The following FLT3 variants were observed in gnomAD, a reference collection of about 807,000 sequenced individuals.
FLT3 encodes fms related receptor tyrosine kinase 3, also known as receptor-type tyrosine-protein kinase FLT3.
In FLT3, 46 loss-of-function variants were observed where a neutral mutation model predicts 126.6. The observed-to-expected ratio is 0.36, with a 90% confidence interval of 0.29 to 0.46. FLT3 has a LOEUF of 0.46. Ranked by LOEUF, FLT3 falls within the 20% of genes least tolerant of loss-of-function variation. The pLI is 1.00. For missense variants in FLT3, 1,069 were observed against 1,190.3 expected, an observed-to-expected ratio of 0.90 and a Z score of 1.50; for synonymous variants, 404 against 434.4, an observed-to-expected ratio of 0.93 and a Z score of 0.87.
rs2137674289 is a variant in FLT3 at position 28,034,065 on chromosome 13, G to A, written c.1837+17C>T. 3 of 1,613,586 alleles carry A rather than the reference G, an allele frequency of 1.9e-6. No homozygotes were observed. The highest frequency in any genetic ancestry group is 2.5e-6 in the Non-Finnish European group (3 of 1,179,772). ...AAAAGAAATGCTGCAGAAACATTTG[G>A]CACATTCCATTCTTACCAAACTCTA... is the stretch of plus-strand genomic sequence containing the variant. On this transcript the variant is annotated intron_variant, in intron 14 of 23. Transcript: ENST00000241453.
intron 1 of FLT3, among the ~76,000 whole-genome samples, chr13:28,072,111 C>G (rs185107591): frequency 5.8e-4 from 82 of 141,126 alleles, no homozygotes; most frequent in Middle Eastern, 3.9e-3. Context: ...CATATATTCA[C>G]AGTGTACATC....
chr13:28,069,092 T>C (rs1232829614), intron 2 of FLT3, among the ~76,000 whole-genome samples: 2 of 151,974 alleles, frequency 1.3e-5, no homozygotes, highest in Non-Finnish European at 2.9e-5. Flanking sequence ...GTCTAAGTAA[T>C]GGGAAATCAT....
At chr13:28,035,390 AC>A (rs963364348) in intron 12 of FLT3, 104 bp downstream of exon 12, 4 of 1,051,878 alleles carry the variant, frequency 3.8e-6, no homozygotes, top group African/African-American at 3.2e-5. Flanking sequence ...TCACACACTG[AC>A]CCTATACTCT....
intron 9 of FLT3, among the ~76,000 whole-genome samples, chr13:28,045,934 CAAA>C (rs57916548): frequency 0.012 from 1,529 of 122,760 alleles, 32 homozygotes; most frequent in African/African-American, 0.044. Context: ...CAATGGTTCT[CAAA>C]AAAAAAAAAA....
intron 23 of FLT3, among the ~76,000 whole-genome samples, chr13:28,006,217 T>C (rs1481175870): frequency 6.6e-6 from 1 of 152,200 alleles, no homozygotes; most frequent in Non-Finnish European, 1.5e-5. Flanking sequence ...ACAGCCCTTG[T>C]TACTGTCTAC....
At chr13:28,021,643 T>C (rs1344527144) in intron 19 of FLT3, among the ~76,000 whole-genome samples, 1 of 152,164 alleles carries the variant, frequency 6.6e-6, no homozygotes, top group Non-Finnish European at 1.5e-5. Context: ...GGCAGTGCTA[T>C]AGTCATAGCT....
chr13:28,048,219 G>A lies in FLT3; in HGVS notation c.1205+56C>T, dbSNP rs2153000. 0.8 allele frequency: 1,146,603 copies of A among 1,425,390 alleles called. 462,633 individuals are homozygous for A. The highest frequency in any genetic ancestry group is 0.97 in the East Asian group (42,475 of 43,600). 88.3% of individuals were successfully genotyped at this position (1,425,390 alleles called of 1,614,324 possible). ...GTATAAAACTGTCCTTCTCAAGGGC[G>A]ACAAGCAAGGAGAATTATGCTAAAA... On this transcript the variant is annotated intron_variant, in intron 9 of 23. Transcript: ENST00000241453.
chr13:28,051,226 T>C (rs1010440926), intron 5 of FLT3, among the ~76,000 whole-genome samples: 7 of 151,394 alleles, frequency 4.6e-5, no homozygotes, highest in African/African-American at 1.7e-4. Flanking sequence ...TCACAAGGAA[T>C]TTCTTTCTTC....
At chr13:28,022,345 CTA>C (rs1367848985) in intron 19 of FLT3, among the ~76,000 whole-genome samples, 1 of 151,972 alleles carries the variant, frequency 6.6e-6, no homozygotes, top group Non-Finnish European at 1.5e-5. Flanking sequence ...ATTCCCATCT[CTA>C]TTAAAATACA....
chr13:28,018,415 C>T (rs748161685), intron 20 of FLT3, 52 bp downstream of exon 20: 20 of 1,601,772 alleles, frequency 1.2e-5, no homozygotes, highest in Middle Eastern at 3.3e-4. Flanking sequence ...ACCATGATAA[C>T]GACACAACAC....
At chr13:28,073,940 T>TAAAAA (rs747529463) in intron 1 of FLT3, among the ~76,000 whole-genome samples, 1 of 132,520 alleles carries the variant, frequency 7.5e-6, no homozygotes, top group Non-Finnish European at 1.6e-5. Flanking sequence ...ATCCTGCCTC[T>TAAAAA]AAAAAAAAAA....
rs114092460 is a variant in FLT3, at chr13:28,035,798, T to C, written c.1419-125A>G. On this transcript the variant is annotated intron_variant, in intron 11 of 23. Transcript: ENST00000241453. ...AGTTATCAGAAACAGTCTATGACTATTGAGAGTTATGGTTGATTGAGAAGG... is the reference window on the plus strand; with the variant it reads ...AGTTATCAGAAACAGTCTATGACTACTGAGAGTTATGGTTGATTGAGAAGG... 1,732 of 1,213,000 alleles carry C rather than the reference T, an allele frequency of 1.4e-3. 26 individuals carry two copies. In the African/African-American group the frequency reaches 0.023, roughly 16 times the overall value. The allele number at this position is 1,213,000 out of a possible 1,614,324, so 75.1% of individuals were successfully genotyped here. A position where few individuals can be genotyped will look rare whatever the true frequency, so the allele number is the denominator to read the frequency against.
In FLT3 at chr13:28,025,806, T is replaced by A. The variant is rs2504230; in HGVS notation, c.2208-863A>T. Among the ~76,000 whole-genome samples, 1,048 of 152,152 alleles carry A rather than the reference T, an allele frequency of 6.9e-3. 13 individuals are homozygous for A. Among genetic ancestry groups the A allele is most frequent in the African/African-American group, 0.024 (995 of 41,538 alleles). ...AAAGGAGAGGACGGTGTGACGGGCATGCATAGGTTAAGGGCAGCTGCACAC... is the reference window on the plus strand; with the variant it reads ...AAAGGAGAGGACGGTGTGACGGGCAAGCATAGGTTAAGGGCAGCTGCACAC... On this transcript the variant is annotated intron_variant, in intron 17 of 23. Transcript: ENST00000241453.
intron 3 of FLT3, among the ~76,000 whole-genome samples, chr13:28,059,694 G>A (rs1475482677): frequency 1.3e-5 from 2 of 152,118 alleles, no homozygotes; most frequent in Admixed American, 6.6e-5. Context: ...GGATGCTGTG[G>A]CTCATGCCTG....
chr13:28,058,154 G>A (rs1876182783), intron 3 of FLT3, among the ~76,000 whole-genome samples: 1 of 143,460 alleles, frequency 7.0e-6, no homozygotes, highest in Non-Finnish European at 1.5e-5. Flanking sequence ...AGCCCAGGAG[G>A]TCAAGACCAG....
rs1056169287 is a variant in FLT3 at position 28,003,514 on chromosome 13, G to C, written c.*538C>G. 4.2e-6 allele frequency: 1 copy of C among 236,452 alleles called. No individual in the cohort carries two copies. Among genetic ancestry groups the C allele is most frequent in the Non-Finnish European group, 8.4e-6 (1 of 119,720 alleles). 14.6% of individuals were successfully genotyped at this position (236,452 alleles called of 1,614,324 possible). On this transcript the variant is annotated 3_prime_UTR_variant, in exon 24 of 24. Transcript: ENST00000241453. ...GGTAAAAGCACACGTGCTCTGGAAG[G>C]AATGTGTAGGTGGCTATGGGTGCAC...
chr13:28,066,530 AG>A (rs1383967592), intron 2 of FLT3, among the ~76,000 whole-genome samples: 2 of 152,256 alleles, frequency 1.3e-5, no homozygotes, highest in Non-Finnish European at 2.9e-5. Context: ...GAAAGGACAC[AG>A]GAGCAAAACT....
Position 28,081,342 on chromosome 13 carries a change from CTTTCTCCCTG to C in FLT3, c.44-10740_44-10731del, listed in dbSNP as rs200929664. On this transcript the variant is annotated intron_variant, in intron 1 of 23. Coordinates refer to ENST00000241453, the MANE Select transcript of FLT3 (RefSeq NM_004119.3). ...AGTTTTCATTATGGGTCTTGCCCATCTTTCTCCCTGTTTCATATTTTTGGATACTATTTTG... is the reference window on the plus strand; with the variant it reads ...AGTTTTCATTATGGGTCTTGCCCATCTTTCATATTTTTGGATACTATTTTG... Among the ~76,000 whole-genome samples the C allele has an allele frequency of 8.0e-3, 1,215 of 152,258 alleles. 7 individuals are homozygous for C. Among genetic ancestry groups the C allele is most frequent in the Non-Finnish European group, 0.012 (827 of 67,998 alleles).
chr13:28,011,992 C>T (rs966771235), intron 23 of FLT3, among the ~76,000 whole-genome samples: 1 of 151,988 alleles, frequency 6.6e-6, no homozygotes, highest in Non-Finnish European at 1.5e-5. Context: ...TGGGATTTTG[C>T]CATGTTGGCC....
Sources: allele counts gnomAD v4.1 joint callset (sites outside exome capture counted in the v4.1 genomes callset), GRCh38; gene constraint gnomAD v4.1.1; transcripts MANE v1.5; gene names NCBI Gene and HGNC (gene_info 2026-07-23, HGNC 2026-07-21).